TSHZ2: variants seen among roughly 807,000 people sequenced by gnomAD.
TSHZ2 encodes the protein teashirt homolog 2.
In TSHZ2, 21 loss-of-function variants were observed where a neutral mutation model predicts 74.4. That is an observed-to-expected ratio of 0.28 (90% CI 0.20 to 0.41). The LOEUF is 0.41. Ranked by LOEUF, TSHZ2 falls within the 10% of genes least tolerant of loss-of-function variation. TSHZ2 has a pLI of 1.00. For synonymous variants in TSHZ2, 540 were observed against 515.3 expected (o/e 1.05, Z -0.65); for missense variants, 1,244 against 1,293.5 (o/e 0.96, Z 0.59).
At chr20:53,341,930 C>T (rs895455125) in intron 2 of TSHZ2, among the ~76,000 whole-genome samples, 1 of 152,130 alleles carries the variant, frequency 6.6e-6, no homozygotes, top group African/African-American at 2.4e-5. Flanking sequence ...AGACTGGTCT[C>T]GAACTCCTGA....
At chr20:53,189,085 A>G (rs1988670637) in intron 1 of TSHZ2, among the ~76,000 whole-genome samples, 1 of 152,196 alleles carries the variant, frequency 6.6e-6, no homozygotes, top group South Asian at 2.1e-4. Context: ...TATTTATTGT[A>G]CATGTTTGAA....
intron 2 of TSHZ2, among the ~76,000 whole-genome samples, chr20:53,309,273 C>CT (rs1282005378): frequency 6.6e-6 from 1 of 152,186 alleles, no homozygotes; most frequent in South Asian, 2.1e-4. Context: ...AGAAGTGTTT[C>CT]TTCTGAAATC....
intron 1 of TSHZ2, among the ~76,000 whole-genome samples, chr20:53,099,715 C>A (rs537625601): frequency 6.6e-6 from 1 of 152,102 alleles, no homozygotes; most frequent in Non-Finnish European, 1.5e-5. Context: ...AAGAGGAAAC[C>A]CCTTATAAAA....
At chr20:53,130,188 G>A (rs1364220838) in intron 1 of TSHZ2, among the ~76,000 whole-genome samples, 1 of 151,660 alleles carries the variant, frequency 6.6e-6, no homozygotes, top group Non-Finnish European at 1.5e-5. Flanking sequence ...TCAAGAAGTG[G>A]TTGTGTGTCT....
intron 2 of TSHZ2, among the ~76,000 whole-genome samples, chr20:53,446,407 C>CAAA (rs34010689): frequency 7.8e-6 from 1 of 127,482 alleles, no homozygotes; most frequent in Non-Finnish European, 1.7e-5. Context: ...ACTAAAAATA[C>CAAA]AAAAAAAAAA....
At chr20:53,151,381 G>T (rs1450128482) in intron 1 of TSHZ2, among the ~76,000 whole-genome samples, 1 of 152,208 alleles carries the variant, frequency 6.6e-6, no homozygotes, top group East Asian at 1.9e-4. Context: ...TTTCCTAGCT[G>T]GGAGGGCTAG....
chr20:52,990,864 A>ATG (rs149211924), intron 1 of TSHZ2, among the ~76,000 whole-genome samples: 54 of 151,454 alleles, frequency 3.6e-4, no homozygotes, highest in East Asian at 1.7e-3. Flanking sequence ...TATAACAGGG[A>ATG]TGTGTGTGTG....
rs1220317946 is a variant in TSHZ2 at position 53,379,203 on chromosome 20, G to A, written c.*9-107941G>A. 2.6e-5 allele frequency among the ~76,000 whole-genome samples: 4 copies of A among 152,050 alleles called. No individual in the cohort carries two copies. The South Asian group carries it at 6.2e-4, about 24-fold the overall frequency. On this transcript the variant is annotated intron_variant, in intron 2 of 2. Coordinates refer to ENST00000371497, the MANE Select transcript of TSHZ2 (RefSeq NM_173485.6). ...TTGAGACAAGCCTCAGCAACAGGGCGAAACCCCGTCTCTATAAAAAATACA... is the reference window on the plus strand; with the variant it reads ...TTGAGACAAGCCTCAGCAACAGGGCAAAACCCCGTCTCTATAAAAAATACA...
chr20:53,329,978 T>C (rs1979658806), intron 2 of TSHZ2, among the ~76,000 whole-genome samples: 1 of 152,196 alleles, frequency 6.6e-6, no homozygotes. Context: ...GTTTTATAAA[T>C]AAAGTTTTAT....
intron 2 of TSHZ2, among the ~76,000 whole-genome samples, chr20:53,485,902 T>G (rs1019023890): frequency 6.6e-6 from 1 of 152,230 alleles, no homozygotes; most frequent in African/African-American, 2.4e-5. Flanking sequence ...AACATAAAAT[T>G]TATCATTTTC....
chr20:53,228,958 G>A (rs1333768210), intron 1 of TSHZ2, among the ~76,000 whole-genome samples: 1 of 152,196 alleles, frequency 6.6e-6, no homozygotes. Flanking sequence ...TTCTCCAGAT[G>A]AGTGTCTCAC....
chr20:53,481,321 C>A (rs1369772238), intron 2 of TSHZ2, among the ~76,000 whole-genome samples: 1 of 152,052 alleles, frequency 6.6e-6, no homozygotes, highest in Admixed American at 6.6e-5. Flanking sequence ...CCTGTAATCC[C>A]AACACTTTGG....
At chr20:53,150,176 T>C (rs2123437975) in intron 1 of TSHZ2, among the ~76,000 whole-genome samples, 1 of 152,244 alleles carries the variant, frequency 6.6e-6, no homozygotes, top group Middle Eastern at 3.4e-3. Flanking sequence ...TTATCCAAGG[T>C]TGCACACTTC....
intron 1 of TSHZ2, among the ~76,000 whole-genome samples, chr20:53,155,262 G>A (rs1987768532): frequency 6.6e-6 from 1 of 151,934 alleles, no homozygotes; most frequent in South Asian, 2.1e-4. Flanking sequence ...GTAGGTAATA[G>A]GGGAAGAGTT....
chr20:53,398,110 C>G (rs1345506412), intron 2 of TSHZ2: 4 of 151,976 alleles, frequency 2.6e-5, no homozygotes, highest in Non-Finnish European at 4.4e-5. Context: ...GCACATGTAC[C>G]CTAGAACTTA....
chr20:53,301,057 G>A (rs778442437), intron 2 of TSHZ2, among the ~76,000 whole-genome samples: 59 of 152,084 alleles, frequency 3.9e-4, no homozygotes, highest in Non-Finnish European at 5.0e-4. Flanking sequence ...TCACGTCCCC[G>A]GTTCAAGCAA....
intron 1 of TSHZ2, among the ~76,000 whole-genome samples, chr20:53,124,918 A>G (rs192492577): frequency 6.6e-6 from 1 of 152,350 alleles, no homozygotes; most frequent in East Asian, 1.9e-4. Context: ...TTTGCAGACC[A>G]TGCAACAACC....
chr20:53,021,740 A>G (rs1249800875), intron 1 of TSHZ2, among the ~76,000 whole-genome samples: 2 of 152,208 alleles, frequency 1.3e-5, no homozygotes, highest in African/African-American at 4.8e-5. Context: ...CTGCAGGTTC[A>G]TCTTACTGTG....
chr20:53,195,409 T>G (rs1345872490), intron 1 of TSHZ2, among the ~76,000 whole-genome samples: 4 of 152,164 alleles, frequency 2.6e-5, no homozygotes, highest in Non-Finnish European at 5.9e-5. Flanking sequence ...ACAACTATAT[T>G]GGTGAAAGAT....
Sources: gnomAD v4.1 joint callset for allele counts (sites outside exome capture counted in the v4.1 genomes callset) on GRCh38, gnomAD v4.1.1 for gene constraint, MANE v1.5 for transcripts, NCBI Gene and HGNC (gene_info 2026-07-23, HGNC 2026-07-21) for gene names.